Variants in CCNF observed in about 807,000 individuals in gnomAD.
CCNF encodes the protein cyclin-F.
CCNF carries 30 observed loss-of-function variants against 85.4 expected under a neutral mutation model. That is an observed-to-expected ratio of 0.35 (90% CI 0.26 to 0.48). CCNF has a LOEUF of 0.48. Ranked by LOEUF, CCNF falls within the 20% of genes least tolerant of loss-of-function variation. CCNF has a pLI of 0.99. For missense variants in CCNF, 919 were observed against 1,010.4 expected, an observed-to-expected ratio of 0.91 and a Z score of 1.23; for synonymous variants, 439 against 425.1, an observed-to-expected ratio of 1.03 and a Z score of -0.40.
chr16:2,441,244 A>AG (rs1159496537), intron 8 of CCNF, among the ~76,000 whole-genome samples: 25 of 150,906 alleles, frequency 1.7e-4, no homozygotes, highest in South Asian at 6.3e-4. Flanking sequence ...AAAAAAAAAA[A>AG]AATTAGCTGG....
intron 15 of CCNF, 62 bp from the exon 16 acceptor site, chr16:2,455,333 G>A (rs993025119): frequency 2.7e-6 from 4 of 1,487,638 alleles, no homozygotes; most frequent in African/African-American, 1.4e-5. Flanking sequence ...CAGGTGTGGA[G>A]GGCCTGGCCT....
chr16:2,443,334 G>C (rs983016566), intron 8 of CCNF, among the ~76,000 whole-genome samples: 1 of 151,418 alleles, frequency 6.6e-6, no homozygotes, highest in African/African-American at 2.4e-5. Flanking sequence ...GCCTTTCGGA[G>C]AGCACTGGGG....
intron 9 of CCNF, among the ~76,000 whole-genome samples, chr16:2,445,062 ATATTGGGGCATCATTTACCG>A (rs924537655): frequency 2.4e-4 from 36 of 152,148 alleles, no homozygotes; most frequent in Non-Finnish European, 5.1e-4. Context: ...GGCATTTACC[ATATTGGGGCATCATTTACCG>A]TATTGGGGCA....
intron 3 of CCNF, 132 bp downstream of exon 3, chr16:2,433,199 G>A: frequency 1.6e-6 from 1 of 611,928 alleles, no homozygotes; most frequent in Non-Finnish European, 3.0e-6. Flanking sequence ...TCATACCCTG[G>A]GGAGTGACTG....
intron 8 of CCNF, among the ~76,000 whole-genome samples, chr16:2,440,180 T>C (rs1040431895): frequency 6.6e-6 from 1 of 152,206 alleles, no homozygotes; most frequent in Non-Finnish European, 1.5e-5. Context: ...AACTTGAGGC[T>C]ACTTGAGAGC....
chr16:2,430,834 T>C (rs1458463388), intron 1 of CCNF, among the ~76,000 whole-genome samples: 1 of 152,228 alleles, frequency 6.6e-6, no homozygotes, highest in African/African-American at 2.4e-5. Flanking sequence ...CTGCCTGTCA[T>C]GTGGGCTCTG....
intron 15 of CCNF, among the ~76,000 whole-genome samples, chr16:2,454,244 G>A (rs1157758544): frequency 6.6e-6 from 1 of 152,164 alleles, no homozygotes; most frequent in African/African-American, 2.4e-5. Flanking sequence ...TCAACTCCTG[G>A]GGAGCCCTGG....
chr16:2,458,298 G>A lies in CCNF; in HGVS notation c.*1278G>A, dbSNP rs1006725440. 3.6e-5 allele frequency: 5 copies of A among 139,988 alleles called. No individual in the cohort carries two copies. Among genetic ancestry groups the A allele is most frequent in the Admixed American group, 1.5e-4 (2 of 13,134 alleles). 8.7% of individuals were successfully genotyped at this position (139,988 alleles called of 1,614,324 possible). ...GAGACAGTTTTGCTCTTGTCTCCCC[G>A]GCTGGAGTGCAGTGGCATGATCTCA... is the stretch of plus-strand genomic sequence containing the variant. On this transcript the variant is annotated 3_prime_UTR_variant, in exon 17 of 17. Transcript: ENST00000397066.
intron 2 of CCNF, 88 bp downstream of exon 2, chr16:2,431,372 TGGC>T: frequency 6.8e-7 from 1 of 1,467,926 alleles, no homozygotes; most frequent in Non-Finnish European, 9.3e-7. Flanking sequence ...AACAAAACTT[TGGC>T]TAAAAAAGAG....
In CCNF at chr16:2,453,339, A is replaced by ATGGGGTGC. The variant is rs2065405379; in HGVS notation, c.1587+38_1587+45dup. On this transcript the variant is annotated intron_variant, in intron 14 of 16. Transcript: ENST00000397066. The surrounding 1 kb of genome is among the most constrained non-coding windows in gnomAD (Gnocchi z 5.6). The stretch of plus-strand genomic sequence containing the variant: ...CTCCCTCCCGCCACCTGGGCGTCTC[A>ATGGGGTGC]TGGGGTGCTGGGGTGTGGGCGGGCC... The ATGGGGTGC allele has an allele frequency of 1.2e-6, 2 of 1,612,512 alleles. No individual in the cohort carries two copies. The highest frequency in any genetic ancestry group is 1.7e-6 in the Non-Finnish European group (2 of 1,178,898).
In CCNF at chr16:2,456,916, C is replaced by G; in HGVS notation, c.2257C>G (p.Pro753Ala). 1.2e-6 allele frequency: 2 copies of G among 1,614,190 alleles called. No individual in the cohort carries two copies. Among genetic ancestry groups the G allele is most frequent in the Non-Finnish European group, 1.7e-6 (2 of 1,180,044 alleles). The change falls in exon 17 of 17, where the codon CCA (proline) becomes GCA (alanine). Residue 753 changes from proline to alanine, a missense_variant. Physicochemically the swap from Pro to Ala is conservative, Grantham distance 27 (BLOSUM62 -1). Transcript: ENST00000397066. The surrounding 1 kb of genome is among the most constrained non-coding windows in gnomAD (Gnocchi z 4.5). Reference sequence around the variant, plus strand: ...GAAGTCATGTTTACAGTGTCGTCCCCCAAGTCCCCCGGAGAGCAGTGTTCC... The same window carrying G: ...GAAGTCATGTTTACAGTGTCGTCCCGCAAGTCCCCCGGAGAGCAGTGTTCC... ...ARKSCLQCRP[P>A]SPPESSVPQQ...
rs761332818 is a variant in CCNF, at chr16:2,453,551, C to T, written c.1715+14C>T. On this transcript the variant is annotated intron_variant, in intron 15 of 16. Coordinates refer to ENST00000397066, the MANE Select transcript of CCNF (RefSeq NM_001761.3). This position sits in a 1 kb window ranked among gnomAD's most constrained non-coding sequence, Gnocchi z 5.6. ...GAGAACCAAACGGTTAGTTACCCTG[C>T]GTTCTGGCTGCGCCATACAATGCTG... 6.3e-5 allele frequency: 102 copies of T among 1,613,684 alleles called. No homozygotes were observed. Among genetic ancestry groups the T allele is most frequent in the Non-Finnish European group, 8.2e-5 (97 of 1,179,972 alleles).
At chr16:2,447,954 C>A (rs2065371305) in intron 10 of CCNF, among the ~76,000 whole-genome samples, 1 of 152,218 alleles carries the variant, frequency 6.6e-6, no homozygotes. Context: ...ACGCATGCAA[C>A]CTGCAGAGTC....
intron 12 of CCNF, 59 bp downstream of exon 12, chr16:2,449,521 G>A: frequency 6.6e-7 from 1 of 1,521,004 alleles, no homozygotes; most frequent in East Asian, 2.3e-5. Context: ...CATAGGAGGA[G>A]GCTGTGGGGA....
Position 2,451,371 on chromosome 16 carries a change from C to G in CCNF, c.1487+1456C>G, listed in dbSNP as rs1464843468. 1.3e-5 allele frequency among the ~76,000 whole-genome samples: 2 copies of G among 151,998 alleles called. No homozygotes were observed. The highest frequency in any genetic ancestry group is 2.9e-5 in the Non-Finnish European group (2 of 67,986). On this transcript the variant is annotated intron_variant, in intron 13 of 16. Transcript: ENST00000397066. This position sits in a 1 kb window ranked among gnomAD's most constrained non-coding sequence, Gnocchi z 4.3. The stretch of plus-strand genomic sequence containing the variant: ...CTGGGGGCCATGAGTGGAGTCATGG[C>G]AGTGAGGGGTGAGGGGGACAAGCAC...
In CCNF at chr16:2,443,697, G is replaced by T. The variant is rs1406022779; in HGVS notation, c.826G>T (p.Val276Leu). The change falls in exon 9 of 17, where the codon GTG becomes TTG. Residue 276 changes from valine to leucine, a missense_variant. Physicochemically the swap from Val to Leu is conservative, Grantham distance 32. This residue lies in a region of CCNF where 410 missense variants were observed against 478.6 expected (regional missense o/e 0.86). Transcript: ENST00000397066. ...CANANQLGLEVRASSEIVCQL... is the reference protein window; with the variant it reads ...CANANQLGLELRASSEIVCQL... ...AAATGCAAACCAGCTTGGACTGGAG[G>T]TGAGAGCTTCCAGTGAGATCGTCTG... 6.2e-7 allele frequency: 1 copy of T among 1,614,056 alleles called. No homozygotes were observed. Among genetic ancestry groups the T allele is most frequent in the African/African-American group, 1.3e-5 (1 of 74,920 alleles).
Position 2,453,617 on chromosome 16 carries a change from A to T in CCNF, c.1715+80A>T. 2 of 1,556,948 alleles carry T rather than the reference A, an allele frequency of 1.3e-6. No individual in the cohort carries two copies. Among genetic ancestry groups the T allele is most frequent in the Non-Finnish European group, 1.8e-6 (2 of 1,138,382 alleles). On this transcript the variant is annotated intron_variant, in intron 15 of 16. Coordinates refer to ENST00000397066, the MANE Select transcript of CCNF (RefSeq NM_001761.3). The surrounding 1 kb of genome is among the most constrained non-coding windows in gnomAD (Gnocchi z 5.6). ...CCCAGTTCCCTCAGCGCTTCCTCAC[A>T]CAGAGAGGCCCCCAAGGCTTGTCAG...
At chr16:2,430,358 G>A (rs1373142602) in intron 1 of CCNF, among the ~76,000 whole-genome samples, 2 of 152,102 alleles carry the variant, frequency 1.3e-5, no homozygotes, top group African/African-American at 2.4e-5. Flanking sequence ...AGTGAGGAAG[G>A]GGTTGCTGGA....
In CCNF at chr16:2,443,736, G is replaced by T; in HGVS notation, c.865G>T (p.Ala289Ser). The T allele has an allele frequency of 6.2e-7, 1 of 1,614,108 alleles. No homozygotes were observed. Among genetic ancestry groups the T allele is most frequent in the African/African-American group, 1.3e-5 (1 of 75,014 alleles). The change falls in exon 9 of 17, where the codon GCT (alanine) becomes TCT (serine). Residue 289 changes from alanine to serine, a missense_variant. Around this residue, in one of 3 missense-constraint regions of CCNF, gnomAD observed 410 missense variants for 478.6 expected, o/e 0.86. Coordinates refer to ENST00000397066, the MANE Select transcript of CCNF (RefSeq NM_001761.3). ...TGAGATCGTCTGCCAGCTATTTCAGGCTTCCCAGGCTGTCAGTAAACAACA... is the reference window on the plus strand; with the variant it reads ...TGAGATCGTCTGCCAGCTATTTCAGTCTTCCCAGGCTGTCAGTAAACAACA... ...SSEIVCQLFQ[A>S]SQAVSKQQVF...
Sources: allele counts gnomAD v4.1 joint callset (sites outside exome capture counted in the v4.1 genomes callset), GRCh38; gene constraint gnomAD v4.1.1; regional missense constraint gnomAD v4.1.1; non-coding constraint Gnocchi (gnomAD v3.1); transcripts MANE v1.5; gene names NCBI Gene and HGNC (gene_info 2026-07-23, HGNC 2026-07-21).